The following TAF12 variants were observed in gnomAD, a reference collection of about 807,000 sequenced individuals.
TAF12 encodes transcription initiation factor TFIID subunit 12.
In TAF12, 3 loss-of-function variants were observed where a neutral mutation model predicts 20.8. That is an observed-to-expected ratio of 0.14 (90% CI 0.07 to 0.37). The LOEUF (loss-of-function observed/expected upper bound fraction) is 0.37, where lower values mean the gene tolerates loss of function less well. TAF12 is among the 10% of genes least tolerant of loss of function. TAF12 has a pLI of 1.00. For synonymous variants in TAF12, 69 were observed against 70.2 expected (o/e 0.98, Z 0.09); for missense variants, 131 against 197.9 (o/e 0.66, Z 2.03).
rs1049701069 is a variant in TAF12 at position 28,613,186 on chromosome 1, T to C, written c.361+61A>G. On this transcript the variant is annotated intron_variant, in intron 4 of 5. Transcript: ENST00000373824. ...CATGAAGGTTCCTCTGACTACACTTTCCCTGGCAGTCCTGAAGAAGCAGTT... is the reference window on the plus strand; with the variant it reads ...CATGAAGGTTCCTCTGACTACACTTCCCCTGGCAGTCCTGAAGAAGCAGTT... The C allele has an allele frequency of 1.5e-5, 21 of 1,435,892 alleles. No individual in the cohort carries two copies. In the African/African-American group the frequency reaches 2.8e-4, roughly 19 times the overall value. The allele number at this position is 1,435,892 out of a possible 1,614,324, so 88.9% of individuals were successfully genotyped here. A position where few individuals can be genotyped will look rare whatever the true frequency, so the allele number is the denominator to read the frequency against.
intron 4 of TAF12, among the ~76,000 whole-genome samples, chr1:28,609,041 G>A (rs531229614): frequency 7.2e-5 from 11 of 151,974 alleles, no homozygotes; most frequent in East Asian, 1.9e-4. Flanking sequence ...ACCTATATGC[G>A]TTATGTGTGT....
At chr1:28,605,231 C>A in intron 5 of TAF12, 141 bp downstream of exon 5, 1 of 772,250 alleles carries the variant, frequency 1.3e-6, no homozygotes, top group Non-Finnish European at 2.1e-6. Flanking sequence ...GCCTCTTGCC[C>A]TCTCTGACCC....
intron 2 of TAF12, among the ~76,000 whole-genome samples, chr1:28,618,981 G>A (rs894165560): frequency 6.6e-6 from 1 of 152,026 alleles, no homozygotes; most frequent in Non-Finnish European, 1.5e-5. Flanking sequence ...CCAGGAGTTA[G>A]AGACTGCAGT....
chr1:28,639,182 C>T (rs577277532), intron 1 of TAF12, among the ~76,000 whole-genome samples: 487 of 151,388 alleles, frequency 3.2e-3, no homozygotes, highest in Non-Finnish European at 4.4e-3. Context: ...TCTGGGAGGC[C>T]GAGGCAGGCA....
At chr1:28,634,572 G>A (rs1222808185) in intron 1 of TAF12, among the ~76,000 whole-genome samples, 1 of 152,042 alleles carries the variant, frequency 6.6e-6, no homozygotes, top group African/African-American at 2.4e-5. Flanking sequence ...CCCAGTGATT[G>A]GTTGTTGAAA....
At chr1:28,638,092 C>T (rs940401581) in intron 1 of TAF12, among the ~76,000 whole-genome samples, 2 of 152,016 alleles carry the variant, frequency 1.3e-5, no homozygotes, top group East Asian at 1.9e-4. Flanking sequence ...CCTCTGCCTC[C>T]TGGGTTCAAG....
At chr1:28,611,860 C>T (rs1666871462) in intron 4 of TAF12, among the ~76,000 whole-genome samples, 1 of 152,132 alleles carries the variant, frequency 6.6e-6, no homozygotes, top group Non-Finnish European at 1.5e-5. Context: ...CCAGCCACTG[C>T]CTGACTTAGT....
At chr1:28,629,076 A>G (rs1211590511) in intron 1 of TAF12, among the ~76,000 whole-genome samples, 4 of 152,220 alleles carry the variant, frequency 2.6e-5, no homozygotes, top group Non-Finnish European at 5.9e-5. Context: ...GTCTCAAATA[A>G]ATAAATGAAT....
At chr1:28,607,180 T>C (rs1666694012) in intron 4 of TAF12, among the ~76,000 whole-genome samples, 1 of 152,236 alleles carries the variant, frequency 6.6e-6, no homozygotes, top group Admixed American at 6.5e-5. Context: ...TGGCCCAATA[T>C]TTCTTTGAAA....
chr1:28,637,821 T>C (rs1667890156), intron 1 of TAF12, among the ~76,000 whole-genome samples: 1 of 152,068 alleles, frequency 6.6e-6, no homozygotes, highest in South Asian at 2.1e-4. Flanking sequence ...GCCTACAAAA[T>C]ATTTTAGGGC....
intron 2 of TAF12, 109 bp from the exon 3 acceptor site, chr1:28,618,139 T>G: frequency 1.0e-6 from 1 of 973,166 alleles, no homozygotes; most frequent in Non-Finnish European, 1.6e-6. Flanking sequence ...GTTTCCACTT[T>G]CCAATGAGTT....
At chr1:28,641,718 T>C (rs1342088963) in intron 1 of TAF12, among the ~76,000 whole-genome samples, 1 of 145,388 alleles carries the variant, frequency 6.9e-6, no homozygotes, top group Non-Finnish European at 1.5e-5. Context: ...TGCTTGAGCC[T>C]AGGAGGTTGG....
In TAF12 at chr1:28,622,201, A is replaced by C; in HGVS notation, c.-84-36T>G. On this transcript the variant is annotated intron_variant, in intron 1 of 5. Coordinates refer to ENST00000373824, the MANE Select transcript of TAF12 (RefSeq NM_005644.4). The stretch of plus-strand genomic sequence containing the variant: ...AAAGCACAAGAATTAGCTCTAGAAG[A>C]ACCTGTAATAAAGGATGAATCTTGA... 6.2e-6 allele frequency: 9 copies of C among 1,451,410 alleles called. No individual in the cohort carries two copies. In the South Asian group the frequency reaches 1.4e-4, roughly 22 times the overall value. The allele number at this position is 1,451,410 out of a possible 1,614,324, so 89.9% of individuals were successfully genotyped here.
intron 4 of TAF12, among the ~76,000 whole-genome samples, chr1:28,608,088 T>C (rs1053284676): frequency 6.6e-6 from 1 of 151,292 alleles, no homozygotes; most frequent in Non-Finnish European, 1.5e-5. Context: ...TCCGAGCACT[T>C]TGGGAGACCA....
intron 1 of TAF12, among the ~76,000 whole-genome samples, chr1:28,626,663 C>T (rs934954871): frequency 6.6e-6 from 1 of 151,216 alleles, no homozygotes; most frequent in Non-Finnish European, 1.5e-5. Context: ...AATCTCAGTA[C>T]TTTGGGAGAC....
Position 28,613,308 on chromosome 1 carries a change from A to C in TAF12, c.300T>G (p.Cys100Trp). The change falls in exon 4 of 6, where the codon TGT becomes TGG. Residue 100 changes from cysteine to tryptophan, a missense_variant. Physicochemically the swap from Cys to Trp is radical, Grantham distance 215 (BLOSUM62 -2). Coordinates refer to ENST00000373824, the MANE Select transcript of TAF12 (RefSeq NM_005644.4). ...TAGACTTGCGATGCCGCGCAAGCTGACAGGCTGCTGTCACCACACTCTCGA... is the reference window on the plus strand; with the variant it reads ...TAGACTTGCGATGCCGCGCAAGCTGCCAGGCTGCTGTCACCACACTCTCGA... ...DFIESVVTAA[C>W]QLARHRKSST... 2 of 1,612,544 alleles carry C rather than the reference A, an allele frequency of 1.2e-6. No homozygotes were observed. Among genetic ancestry groups the C allele is most frequent in the Non-Finnish European group, 1.7e-6 (2 of 1,179,448 alleles).
intron 1 of TAF12, among the ~76,000 whole-genome samples, chr1:28,627,429 C>T (rs1667445437): frequency 6.7e-6 from 1 of 150,128 alleles, no homozygotes. Flanking sequence ...CGCGGTGGCT[C>T]ACGCTTGTAA....
intron 4 of TAF12, among the ~76,000 whole-genome samples, chr1:28,612,910 A>G (rs1666915060): frequency 6.6e-6 from 1 of 152,190 alleles, no homozygotes; most frequent in Non-Finnish European, 1.5e-5. Context: ...CAGTCACTTT[A>G]CAGACATGGT....
At chr1:28,603,858 G>A (rs371529336) in intron 5 of TAF12, among the ~76,000 whole-genome samples, 7 of 152,000 alleles carry the variant, frequency 4.6e-5, no homozygotes, top group Non-Finnish European at 8.8e-5. Context: ...CAGCTCTTGA[G>A]TTTTGGTGAC....
Sources: gnomAD v4.1 joint callset for allele counts (sites outside exome capture counted in the v4.1 genomes callset) on GRCh38, gnomAD v4.1.1 for gene constraint, MANE v1.5 for transcripts, NCBI Gene and HGNC (gene_info 2026-07-23, HGNC 2026-07-21) for gene names.